The following SLC25A21 variants were observed in gnomAD, a reference collection of about 807,000 sequenced individuals.
SLC25A21 encodes the protein solute carrier family 25 member 21.
A neutral mutation model predicts 43.8 loss-of-function variants in SLC25A21; 47 were observed. The ratio of observed to expected loss-of-function variants is 1.07; its 90% CI spans 0.85 to 1.37. The LOEUF (loss-of-function observed/expected upper bound fraction) is 1.37, where lower values mean the gene tolerates loss of function less well. Ranked by LOEUF, SLC25A21 falls within the 40% of genes most tolerant of loss-of-function variation. SLC25A21 has a pLI of 0.00. For missense variants in SLC25A21, 352 were observed against 350.2 expected, an observed-to-expected ratio of 1.00 and a Z score of -0.04; for synonymous variants, 131 against 121.3, an observed-to-expected ratio of 1.08 and a Z score of -0.52.
intron 3 of SLC25A21, among the ~76,000 whole-genome samples, chr14:36,735,533 C>G (rs1433668644): frequency 6.6e-6 from 1 of 151,392 alleles, no homozygotes; most frequent in African/African-American, 2.4e-5. Flanking sequence ...TGATTCACCC[C>G]CCAAGCTTCA....
intron 3 of SLC25A21, among the ~76,000 whole-genome samples, chr14:36,772,600 C>T (rs1886662485): frequency 2.0e-5 from 3 of 152,072 alleles, no homozygotes; most frequent in Admixed American, 6.6e-5. Context: ...GGATGTTGGG[C>T]GGCTGACTAG....
At chr14:37,044,579 T>C (rs1185322659) in intron 1 of SLC25A21, among the ~76,000 whole-genome samples, 2 of 152,190 alleles carry the variant, frequency 1.3e-5, no homozygotes, top group African/African-American at 2.4e-5. Flanking sequence ...CTGCCCCTCC[T>C]ATAGGAACAC....
intron 2 of SLC25A21, among the ~76,000 whole-genome samples, chr14:36,855,126 A>G (rs1188150047): frequency 6.6e-6 from 1 of 152,144 alleles, no homozygotes; most frequent in African/African-American, 2.4e-5. Context: ...CTGTTGGACA[A>G]GCCACCCCTT....
At chr14:36,992,027 T>G (rs924942149) in intron 1 of SLC25A21, among the ~76,000 whole-genome samples, 1 of 152,222 alleles carries the variant, frequency 6.6e-6, no homozygotes, top group African/African-American at 2.4e-5. Context: ...CTTTATTTCT[T>G]GTTTAGCACA....
At chr14:37,027,100 T>A (rs17105991) in intron 1 of SLC25A21, among the ~76,000 whole-genome samples, 8,555 of 152,192 alleles carry the variant, frequency 0.056, 807 homozygotes, top group African/African-American at 0.19. Flanking sequence ...GGACAGCGTG[T>A]TTATTGAATT....
chr14:36,836,095 A>G (rs1205490469), intron 2 of SLC25A21, among the ~76,000 whole-genome samples: 1 of 152,252 alleles, frequency 6.6e-6, no homozygotes, highest in Non-Finnish European at 1.5e-5. Flanking sequence ...GGCAAAGATA[A>G]TTTAACAGGT....
intron 1 of SLC25A21, among the ~76,000 whole-genome samples, chr14:36,991,516 A>T (rs11850010): frequency 0.087 from 13,313 of 152,244 alleles, 666 homozygotes; most frequent in African/African-American, 0.13. Flanking sequence ...CTAGTAATAA[A>T]AGGAGCCAAG....
At chr14:36,776,229 TC>T (rs1886819044) in intron 3 of SLC25A21, among the ~76,000 whole-genome samples, 1 of 47,886 alleles carries the variant, frequency 2.1e-5, no homozygotes, top group African/African-American at 1.1e-4. Flanking sequence ...TCTTTTTCTT[TC>T]TTTCTTTCTT....
At chr14:36,733,246 C>G (rs576922517) in intron 4 of SLC25A21, among the ~76,000 whole-genome samples, 1 of 152,278 alleles carries the variant, frequency 6.6e-6, no homozygotes, top group South Asian at 2.1e-4. Context: ...GAACTCTGCT[C>G]TATTTGTTTA....
intron 2 of SLC25A21, among the ~76,000 whole-genome samples, chr14:36,831,325 T>A (rs886838580): frequency 6.6e-6 from 1 of 152,250 alleles, no homozygotes; most frequent in African/African-American, 2.4e-5. Flanking sequence ...TTTTACTTAA[T>A]CATTGCATCC....
At chr14:37,023,148 A>G (rs1463243587) in intron 1 of SLC25A21, among the ~76,000 whole-genome samples, 1 of 151,974 alleles carries the variant, frequency 6.6e-6, no homozygotes, top group African/African-American at 2.4e-5. Context: ...TCTGGTCATA[A>G]GCTGAGTGAC....
At chr14:36,987,188 G>A (rs1594739190) in intron 1 of SLC25A21, among the ~76,000 whole-genome samples, 1 of 152,002 alleles carries the variant, frequency 6.6e-6, no homozygotes, top group East Asian at 1.9e-4. Context: ...TCCTTAATTT[G>A]ACACATGGGA....
At chr14:36,936,389 G>T in intron 1 of SLC25A21, among the ~76,000 whole-genome samples, 1 of 150,912 alleles carries the variant, frequency 6.6e-6, no homozygotes, top group Admixed American at 6.6e-5. Flanking sequence ...TGTACTGTTT[G>T]CCTTTTCTCA....
At chr14:37,089,034 C>G (rs149805120) in intron 1 of SLC25A21, among the ~76,000 whole-genome samples, 1 of 152,104 alleles carries the variant, frequency 6.6e-6, no homozygotes, top group Admixed American at 6.6e-5. Context: ...CCGCCGTAAG[C>G]GAGGCTTTTT....
chr14:37,062,310 G>GCTAT (rs967151925), intron 1 of SLC25A21, among the ~76,000 whole-genome samples: 3 of 152,112 alleles, frequency 2.0e-5, no homozygotes, highest in Admixed American at 2.0e-4. Context: ...GGTAAATGAT[G>GCTAT]CTATGCCTGT....
At chr14:36,782,088 GA>G (rs1887085038) in intron 3 of SLC25A21, among the ~76,000 whole-genome samples, 1 of 152,148 alleles carries the variant, frequency 6.6e-6, no homozygotes, top group Non-Finnish European at 1.5e-5. Flanking sequence ...TTTCTGTTGA[GA>G]AATCTGCTAA....
intron 1 of SLC25A21, among the ~76,000 whole-genome samples, chr14:37,027,427 ATTC>A (rs1359043527): frequency 3.3e-5 from 5 of 152,186 alleles, no homozygotes; most frequent in Non-Finnish European, 7.4e-5. Context: ...TCAGAAGACT[ATTC>A]TTATAATCAG....
chr14:36,813,560 T>A (rs962853800), intron 3 of SLC25A21, among the ~76,000 whole-genome samples: 1 of 152,120 alleles, frequency 6.6e-6, no homozygotes, highest in Non-Finnish European at 1.5e-5. Flanking sequence ...TCTGTTTTAT[T>A]TGTATATTCA....
chr14:36,988,783 T>C (rs1443996503), intron 1 of SLC25A21, among the ~76,000 whole-genome samples: 2 of 152,208 alleles, frequency 1.3e-5, no homozygotes, highest in South Asian at 2.1e-4. Flanking sequence ...GTGTGGTTCA[T>C]AGGTTCTGGA....
Sources: gnomAD v4.1 joint callset for allele counts (sites outside exome capture counted in the v4.1 genomes callset) on GRCh38, gnomAD v4.1.1 for gene constraint, MANE v1.5 for transcripts, NCBI Gene and HGNC (gene_info 2026-07-23, HGNC 2026-07-21) for gene names.